DYNLT2B: variants seen among roughly 807,000 people sequenced by gnomAD.
DYNLT2B encodes the protein dynein light chain Tctex-type 2B, also known as dynein light chain Tctex-type protein 2B.
Under a neutral mutation model 19.5 loss-of-function variants are expected in DYNLT2B, and 14 were observed. The observed-to-expected ratio is 0.72, with a 90% CI of 0.47 to 1.12. DYNLT2B has a LOEUF of 1.12. Among genes scored for constraint, DYNLT2B ranks in the 50% most tolerant of loss-of-function variants. The pLI, the probability that DYNLT2B is intolerant of heterozygous loss-of-function variation, is 0.00. For missense variants in DYNLT2B, 133 were observed against 174.7 expected (o/e 0.76, Z 1.35); for synonymous variants, 70 against 59.7 (o/e 1.17, Z -0.79).
At chr3:196,293,322 A>G (rs527325647) in intron 4 of DYNLT2B, among the ~76,000 whole-genome samples, 1 of 152,270 alleles carries the variant, frequency 6.6e-6, no homozygotes, top group East Asian at 1.9e-4. Flanking sequence ...AATGAATTGT[A>G]TCATCTAAAG....
At chr3:196,293,609 G>A (rs1282630430) in intron 4 of DYNLT2B, among the ~76,000 whole-genome samples, 1 of 150,568 alleles carries the variant, frequency 6.6e-6, no homozygotes, top group Non-Finnish European at 1.5e-5. Flanking sequence ...CTAGGTGACA[G>A]AGTGAGACTC....
chr3:196,308,663 G>A (rs903110066), intron 2 of DYNLT2B, among the ~76,000 whole-genome samples: 1 of 152,232 alleles, frequency 6.6e-6, no homozygotes, highest in Non-Finnish European at 1.5e-5. Flanking sequence ...CAGGTTCCAA[G>A]ATTACACTGT....
At chr3:196,314,506 T>C (rs1427179120) in intron 2 of DYNLT2B, among the ~76,000 whole-genome samples, 2 of 140,178 alleles carry the variant, frequency 1.4e-5, no homozygotes, top group African/African-American at 5.3e-5. Flanking sequence ...GATCAGACGG[T>C]ATAACATTAT....
In DYNLT2B at chr3:196,291,282, G is replaced by T. The variant is rs1203078126; in HGVS notation, c.*45C>A. On this transcript the variant is annotated 3_prime_UTR_variant, in exon 5 of 5. Transcript: ENST00000325318. ...ATATTTAACAATATTAAAAAGTTCA[G>T]ATTTCTTCATGGTCATGTCTTTTAC... 1 of 1,558,040 alleles carries T rather than the reference G, an allele frequency of 6.4e-7. No individual in the cohort carries two copies. The highest frequency in any genetic ancestry group is 8.7e-7 in the Non-Finnish European group (1 of 1,149,022).
At chr3:196,303,199 A>G (rs1374480260) in intron 3 of DYNLT2B, among the ~76,000 whole-genome samples, 1 of 151,758 alleles carries the variant, frequency 6.6e-6, no homozygotes, top group Non-Finnish European at 1.5e-5. Context: ...TCCCTGATCA[A>G]TCAGCACTCC....
intron 2 of DYNLT2B, among the ~76,000 whole-genome samples, chr3:196,313,227 T>C (rs1438699385): frequency 6.6e-6 from 1 of 151,050 alleles, no homozygotes; most frequent in African/African-American, 2.4e-5. Flanking sequence ...AGACAGAGTC[T>C]CACTCTGTTG....
intron 4 of DYNLT2B, among the ~76,000 whole-genome samples, chr3:196,295,722 A>G (rs1312439835): frequency 6.6e-6 from 1 of 152,210 alleles, no homozygotes; most frequent in Non-Finnish European, 1.5e-5. Flanking sequence ...GGAAGTGGCT[A>G]AAAATAATGT....
rs937112887 is a variant in DYNLT2B at position 196,302,583 on chromosome 3, T to A, written c.317+4360A>T. ...GTCCATGTTGAAATAAATGACAGAA[T>A]ACATAAATAAATGGGAGAGGAGAGA... On this transcript the variant is annotated intron_variant, in intron 3 of 4. Transcript: ENST00000325318. Among the ~76,000 whole-genome samples the A allele has an allele frequency of 2.0e-5, 3 of 152,132 alleles. No individual in the cohort carries two copies. In the South Asian group the frequency reaches 6.2e-4, roughly 31 times the overall value.
chr3:196,309,547 G>C (rs945400503), intron 2 of DYNLT2B, among the ~76,000 whole-genome samples: 1 of 151,756 alleles, frequency 6.6e-6, no homozygotes, highest in Admixed American at 6.6e-5. Flanking sequence ...TTACGGACGT[G>C]AGCCACCACA....
rs1234835391 is a variant in DYNLT2B, at chr3:196,314,738, CT to C, written c.247+1359del. Reference sequence around the variant, plus strand: ...TTGGGAGGCTGAGATGGGAGGATCGCTTGAGCCAGGAGGTCAAGGCTGCAGT... The same window carrying C: ...TTGGGAGGCTGAGATGGGAGGATCGCTGAGCCAGGAGGTCAAGGCTGCAGT... On this transcript the variant is annotated intron_variant, in intron 2 of 4. Transcript: ENST00000325318. 2.6e-5 allele frequency among the ~76,000 whole-genome samples: 4 copies of C among 151,590 alleles called. No homozygotes were observed. In the East Asian group the frequency reaches 7.8e-4, roughly 30 times the overall value.
intron 3 of DYNLT2B, among the ~76,000 whole-genome samples, chr3:196,306,247 C>CAAAAA (rs112341100): frequency 3.8e-5 from 4 of 104,554 alleles, no homozygotes; most frequent in African/African-American, 1.2e-4. Context: ...CCCATCTCTG[C>CAAAAA]AAAAAAAAAA....
intron 3 of DYNLT2B, 63 bp downstream of exon 3, chr3:196,306,880 A>G (rs1026069776): frequency 6.8e-7 from 1 of 1,467,424 alleles, no homozygotes; most frequent in Non-Finnish European, 9.5e-7. Context: ...GAATTGTCCA[A>G]AGGACAGATA....
intron 1 of DYNLT2B, among the ~76,000 whole-genome samples, chr3:196,317,385 T>TGTGTGTGTGTG (rs1396324555): frequency 3.7e-5 from 2 of 53,766 alleles, no homozygotes; most frequent in Admixed American, 2.1e-4. Context: ...TGTGTGTGTG[T>TGTGTGTGTGTG]GTGTGTGTGT....
intron 3 of DYNLT2B, 109 bp downstream of exon 3, chr3:196,306,834 C>G: frequency 1.0e-6 from 1 of 986,786 alleles, no homozygotes; most frequent in Non-Finnish European, 1.6e-6. Context: ...ACCCATCACA[C>G]CCGGCCCTTC....
chr3:196,308,897 T>C (rs2108795458), intron 2 of DYNLT2B, among the ~76,000 whole-genome samples: 1 of 152,072 alleles, frequency 6.6e-6, no homozygotes, highest in East Asian at 1.9e-4. Flanking sequence ...GTCTCAGATA[T>C]GGTGGGGAGG....
chr3:196,317,303 A>T (rs2108799892), intron 1 of DYNLT2B, among the ~76,000 whole-genome samples: 1 of 86,032 alleles, frequency 1.2e-5, no homozygotes, highest in Non-Finnish European at 2.3e-5. Context: ...GTGTGTGTAA[A>T]GTTAGTGATC....
chr3:196,302,757 G>A (rs1459550017), intron 3 of DYNLT2B, among the ~76,000 whole-genome samples: 3 of 152,020 alleles, frequency 2.0e-5, no homozygotes, highest in East Asian at 1.9e-4. Context: ...AAATGAAACC[G>A]CCTTTGCAAA....
At chr3:196,294,219 T>C (rs543560679) in intron 4 of DYNLT2B, among the ~76,000 whole-genome samples, 60 of 152,040 alleles carry the variant, frequency 3.9e-4, no homozygotes, top group African/African-American at 1.3e-3. Flanking sequence ...GGTGTGGTGG[T>C]GCATGCCTGT....
At chr3:196,308,328 A>T (rs1348124878) in intron 2 of DYNLT2B, among the ~76,000 whole-genome samples, 1 of 152,116 alleles carries the variant, frequency 6.6e-6, no homozygotes, top group Non-Finnish European at 1.5e-5. Context: ...CACGTCCGAG[A>T]ACGAGGGGCA....
Sources: gnomAD v4.1 joint callset for allele counts (sites outside exome capture counted in the v4.1 genomes callset) on GRCh38, gnomAD v4.1.1 for gene constraint, MANE v1.5 for transcripts, NCBI Gene and HGNC (gene_info 2026-07-23, HGNC 2026-07-21) for gene names.